The following FTO variants were observed in gnomAD, a reference collection of about 807,000 sequenced individuals.
The protein encoded by FTO is alpha-ketoglutarate-dependent dioxygenase FTO.
FTO carries 47 observed loss-of-function variants against 63.9 expected under a neutral mutation model. That is an observed-to-expected ratio of 0.74 (90% CI 0.58 to 0.94). The LOEUF (loss-of-function observed/expected upper bound fraction) is 0.94, where lower values mean the gene tolerates loss of function less well. Ranked by LOEUF, FTO falls within the 40% of genes least tolerant of loss-of-function variation. The pLI is 0.00. For synonymous variants in FTO, 207 were observed against 224.4 expected (o/e 0.92, Z 0.69); for missense variants, 562 against 618.1 (o/e 0.91, Z 0.96).
intron 8 of FTO, among the ~76,000 whole-genome samples, chr16:53,988,246 T>C (rs2083719051): frequency 6.6e-6 from 1 of 152,212 alleles, no homozygotes; most frequent in Non-Finnish European, 1.5e-5. Flanking sequence ...ATATAATTCT[T>C]CCTTGTAAAT....
intron 2 of FTO, among the ~76,000 whole-genome samples, chr16:53,816,493 C>T (rs1214903960): frequency 1.7e-5 from 1 of 59,740 alleles, no homozygotes; most frequent in Non-Finnish European, 3.5e-5. Context: ...CCCCTGCCCA[C>T]TCCCCACCCC....
At chr16:53,911,507 G>T in intron 7 of FTO, 1 of 702,864 alleles carries the variant, frequency 1.4e-6, no homozygotes, top group South Asian at 1.5e-5. Context: ...GGACAAGGTG[G>T]GGGAAGATAG....
intron 8 of FTO, chr16:53,998,366 A>G (rs758409434): frequency 6.6e-5 from 10 of 152,230 alleles, no homozygotes; most frequent in Non-Finnish European, 1.3e-4. Context: ...TCTACTTGTC[A>G]TCTTCAAGAT....
At chr16:53,815,080 G>A (rs1048785512) in intron 2 of FTO, among the ~76,000 whole-genome samples, 2 of 101,246 alleles carry the variant, frequency 2.0e-5, no homozygotes, top group East Asian at 3.7e-4. Flanking sequence ...CAGGGGAGAC[G>A]GTCAGAGAGA....
At chr16:53,881,360 A>G (rs1275039383) in intron 6 of FTO, among the ~76,000 whole-genome samples, 1 of 152,122 alleles carries the variant, frequency 6.6e-6, no homozygotes, top group East Asian at 1.9e-4. Flanking sequence ...AGGTCAAGAC[A>G]CTGTCTTCAT....
intron 8 of FTO, among the ~76,000 whole-genome samples, chr16:54,001,674 C>T (rs1260804609): frequency 6.6e-6 from 1 of 152,218 alleles, no homozygotes; most frequent in Non-Finnish European, 1.5e-5. Context: ...CTTTCCCCTA[C>T]TCTCCAAGCA....
chr16:53,763,936 A>G (rs899436563), intron 1 of FTO, among the ~76,000 whole-genome samples: 2 of 152,194 alleles, frequency 1.3e-5, no homozygotes, highest in Admixed American at 6.5e-5. Context: ...CCTGGAAAGA[A>G]TCGGGATTTT....
chr16:53,987,504 AC>A (rs2143868121), intron 8 of FTO, among the ~76,000 whole-genome samples: 1 of 151,110 alleles, frequency 6.6e-6, no homozygotes, highest in South Asian at 2.1e-4. Context: ...AATTGCTTGA[AC>A]CCAGGAGGCG....
chr16:53,942,482 C>T (rs1438594542), intron 8 of FTO, among the ~76,000 whole-genome samples: 2 of 152,014 alleles, frequency 1.3e-5, no homozygotes, highest in African/African-American at 4.8e-5. Flanking sequence ...ACTGGCATGG[C>T]GAGGAAGAAG....
intron 8 of FTO, among the ~76,000 whole-genome samples, chr16:54,089,336 A>G (rs1484503878): frequency 1.3e-5 from 2 of 152,228 alleles, no homozygotes; most frequent in African/African-American, 4.8e-5. Context: ...GTGAAAACCA[A>G]CAACTGACTT....
At chr16:53,855,032 A>T (rs1256079017) in intron 4 of FTO, among the ~76,000 whole-genome samples, 43 of 149,852 alleles carry the variant, frequency 2.9e-4, no homozygotes, top group East Asian at 4.0e-4. Context: ...GTACTTTATT[A>T]TTATTATTTT....
chr16:53,985,804 C>T lies in FTO; in HGVS notation c.1364+51695C>T, dbSNP rs557152391. ...ATGAAAATCAAAGCTAGGAGCTAAT[C>T]ATATTTTTAAAGTCAGATATGTTGG... On this transcript the variant is annotated intron_variant, in intron 8 of 8. Transcript: ENST00000471389. Among the ~76,000 whole-genome samples, 57 of 152,270 alleles carry T rather than the reference C, an allele frequency of 3.7e-4. No homozygotes were observed. The Middle Eastern group carries it at 0.01, about 27-fold the overall frequency.
intron 8 of FTO, among the ~76,000 whole-genome samples, chr16:53,964,849 A>G (rs968947818): frequency 6.6e-6 from 1 of 152,248 alleles, no homozygotes; most frequent in African/African-American, 2.4e-5. Context: ...AGGATAAAAT[A>G]GTATGAAGAT....
chr16:54,050,104 G>C (rs2085279208), intron 8 of FTO, among the ~76,000 whole-genome samples: 1 of 152,148 alleles, frequency 6.6e-6, no homozygotes, highest in African/African-American at 2.4e-5. Context: ...GCTGCCTGGG[G>C]AACAGTTGAC....
chr16:53,913,910 C>G lies in FTO; in HGVS notation c.1240-20075C>G, dbSNP rs181441928. On this transcript the variant is annotated intron_variant, in intron 7 of 8. Transcript: ENST00000471389. ...AGGAGAATTGCTGGAACCCTGGGGG[C>G]GGAGGCTGCTGTGAGCCGAGACCAC... Among the ~76,000 whole-genome samples the G allele has an allele frequency of 1.7e-3, 253 of 148,808 alleles. 1 individual carries two copies. Among genetic ancestry groups the G allele is most frequent in the Middle Eastern group, 0.01 (3 of 288 alleles).
chr16:53,839,802 TA>T (rs1347471665), intron 3 of FTO, among the ~76,000 whole-genome samples: 4,103 of 106,644 alleles, frequency 0.038, 179 homozygotes, highest in East Asian at 0.14. Flanking sequence ...TTTATTTATT[TA>T]TTTATTTATT....
At chr16:53,734,529 C>CT (rs1388745938) in intron 1 of FTO, among the ~76,000 whole-genome samples, 11 of 152,190 alleles carry the variant, frequency 7.2e-5, no homozygotes, top group African/African-American at 2.7e-4. Context: ...AGTTTTGTGC[C>CT]TTTTTGCTCA....
At chr16:53,901,417 G>C (rs1404939154) in intron 7 of FTO, among the ~76,000 whole-genome samples, 2 of 152,220 alleles carry the variant, frequency 1.3e-5, no homozygotes, top group African/African-American at 2.4e-5. Flanking sequence ...CCAGGTGACA[G>C]TCTTGTGAAC....
intron 8 of FTO, among the ~76,000 whole-genome samples, chr16:53,967,312 C>T (rs182079960): frequency 1.3e-4 from 19 of 151,972 alleles, no homozygotes; most frequent in Admixed American, 1.1e-3. Context: ...GAAGGGCCAG[C>T]GTTTGTTGCC....
Sources: gnomAD v4.1 joint callset for allele counts (sites outside exome capture counted in the v4.1 genomes callset) on GRCh38, gnomAD v4.1.1 for gene constraint, MANE v1.5 for transcripts, NCBI Gene and HGNC (gene_info 2026-07-23, HGNC 2026-07-21) for gene names.